ADARB2: variants seen among roughly 807,000 people sequenced by gnomAD.
The protein encoded by ADARB2 is inactive double-stranded RNA-specific editase B2.
A neutral mutation model predicts 62.2 loss-of-function variants in ADARB2; 25 were observed. The observed-to-expected ratio is 0.40, with a 90% confidence interval of 0.29 to 0.56. ADARB2 has a LOEUF of 0.56. Among genes scored for constraint, ADARB2 ranks in the 20% least tolerant of loss-of-function variants. ADARB2 has a pLI of 0.43. For missense variants in ADARB2, 1,071 were observed against 1,077.4 expected (o/e 0.99, Z 0.08); for synonymous variants, 572 against 500.8 (o/e 1.14, Z -1.90).
intron 1 of ADARB2, among the ~76,000 whole-genome samples, chr10:1,506,213 C>T (rs958326926): frequency 3.3e-5 from 5 of 152,084 alleles, no homozygotes; most frequent in South Asian, 2.1e-4. Flanking sequence ...AGAAATTTAA[C>T]GACAACTGAA....
intron 1 of ADARB2, among the ~76,000 whole-genome samples, chr10:1,725,444 A>G (rs949929919): frequency 3.3e-5 from 5 of 152,230 alleles, no homozygotes; most frequent in African/African-American, 1.2e-4. Flanking sequence ...TCAGAGTCAC[A>G]TGAAAAACAC....
intron 1 of ADARB2, among the ~76,000 whole-genome samples, chr10:1,432,938 G>A (rs1564287764): frequency 6.6e-6 from 1 of 152,022 alleles, no homozygotes; most frequent in Admixed American, 6.6e-5. Context: ...CAATGAATAC[G>A]TGGTTCAATG....
At chr10:1,453,359 C>T (rs140760509) in intron 1 of ADARB2, among the ~76,000 whole-genome samples, 3 of 152,296 alleles carry the variant, frequency 2.0e-5, no homozygotes, top group East Asian at 1.9e-4. Flanking sequence ...AATGTCATGA[C>T]GCTTCCCCTA....
At chr10:1,646,324 C>T (rs7078581) in intron 1 of ADARB2, among the ~76,000 whole-genome samples, 105,965 of 151,922 alleles carry the variant, frequency 0.7, 37,169 homozygotes, top group South Asian at 0.81. Flanking sequence ...CCCCCATGCA[C>T]ACCCAGACCA....
chr10:1,506,871 G>T (rs906432389), intron 1 of ADARB2, among the ~76,000 whole-genome samples: 2 of 152,194 alleles, frequency 1.3e-5, no homozygotes, highest in Non-Finnish European at 2.9e-5. Context: ...AAGGAAAAAC[G>T]TGAGGGCCCT....
intron 3 of ADARB2, among the ~76,000 whole-genome samples, chr10:1,353,089 C>T (rs553618631): frequency 3.3e-5 from 5 of 152,250 alleles, no homozygotes; most frequent in Admixed American, 3.3e-4. Context: ...TCTACTACTC[C>T]TCAGGGATTA....
intron 1 of ADARB2, among the ~76,000 whole-genome samples, chr10:1,512,968 T>A (rs752051939): frequency 1.3e-4 from 20 of 152,148 alleles, no homozygotes; most frequent in Non-Finnish European, 2.6e-4. Flanking sequence ...ACATTTACAC[T>A]CAGGGAGAGT....
chr10:1,242,508 GC>G (rs1830935970), intron 4 of ADARB2, among the ~76,000 whole-genome samples: 1 of 152,246 alleles, frequency 6.6e-6, no homozygotes. Flanking sequence ...CTTCATGGTG[GC>G]CTGAGACAGC....
chr10:1,293,889 C>T (rs961072775), intron 3 of ADARB2, among the ~76,000 whole-genome samples: 1 of 152,090 alleles, frequency 6.6e-6, no homozygotes, highest in Non-Finnish European at 1.5e-5. Context: ...ACTTTACTCA[C>T]TGATGCCTCT....
intron 1 of ADARB2, among the ~76,000 whole-genome samples, chr10:1,693,456 T>G (rs1394399557): frequency 1.3e-5 from 2 of 152,202 alleles, no homozygotes; most frequent in African/African-American, 4.8e-5. Context: ...CCTCATATAG[T>G]AAAAGGATAA....
intron 1 of ADARB2, among the ~76,000 whole-genome samples, chr10:1,383,608 G>A (rs1832502071): frequency 6.6e-6 from 1 of 152,162 alleles, no homozygotes. Flanking sequence ...AGGTGTTAGT[G>A]TACTTTGAAA....
chr10:1,425,708 C>T (rs1418865269), intron 1 of ADARB2, among the ~76,000 whole-genome samples: 3 of 152,244 alleles, frequency 2.0e-5, no homozygotes, highest in African/African-American at 7.2e-5. Flanking sequence ...CTCAGTAACC[C>T]TTCAGTCCTT....
intron 1 of ADARB2, among the ~76,000 whole-genome samples, chr10:1,573,832 C>T (rs1248732700): frequency 1.3e-5 from 2 of 152,190 alleles, no homozygotes; most frequent in African/African-American, 2.4e-5. Flanking sequence ...CCTCCTGCCG[C>T]CCAGTGAGCC....
chr10:1,422,488 A>G (rs1434806215), intron 1 of ADARB2, among the ~76,000 whole-genome samples: 1 of 152,144 alleles, frequency 6.6e-6, no homozygotes, highest in Non-Finnish European at 1.5e-5. Context: ...GGGAAGGCAC[A>G]GTGAGAGGCA....
chr10:1,316,381 C>G (rs1029213927), intron 3 of ADARB2, among the ~76,000 whole-genome samples: 6 of 152,226 alleles, frequency 3.9e-5, no homozygotes, highest in Middle Eastern at 3.2e-3. Flanking sequence ...GTGGCCTTGT[C>G]GCAGCCCTTG....
At chr10:1,565,462 T>C (rs1832848544) in intron 1 of ADARB2, among the ~76,000 whole-genome samples, 2 of 152,120 alleles carry the variant, frequency 1.3e-5, no homozygotes, top group Non-Finnish European at 2.9e-5. Context: ...ATGGATATAC[T>C]TGGAATTTCT....
Position 1,467,455 on chromosome 10 carries a change from G to A in ADARB2, c.101-88295C>T, listed in dbSNP as rs117904057. 2.8e-3 allele frequency among the ~76,000 whole-genome samples: 428 copies of A among 152,308 alleles called. 1 individual carries two copies. Among genetic ancestry groups the A allele is most frequent in the Non-Finnish European group, 5.3e-3 (360 of 68,028 alleles). On this transcript the variant is annotated intron_variant, in intron 1 of 9. Coordinates refer to ENST00000381312, the MANE Select transcript of ADARB2 (RefSeq NM_018702.4). ...TTCAAGATTAGGCTGAGGTTGGAAA[G>A]CAAACCCGAAAGCATCTCCAACCGC...
chr10:1,544,956 T>TATATACACACACACACACACACACACAC (rs10526252), intron 1 of ADARB2, among the ~76,000 whole-genome samples: 1 of 133,848 alleles, frequency 7.5e-6, no homozygotes, highest in Non-Finnish European at 1.6e-5. Flanking sequence ...TAGCAAAGTA[T>TATATACACACACACACACACACACACAC]ACACACACAC....
chr10:1,234,490 G>C (rs1436284368), intron 5 of ADARB2, among the ~76,000 whole-genome samples: 1 of 151,942 alleles, frequency 6.6e-6, no homozygotes, highest in Non-Finnish European at 1.5e-5. Flanking sequence ...GCTCATGCTG[G>C]AGTGCAGTAG....
Sources: gnomAD v4.1 joint callset for allele counts (sites outside exome capture counted in the v4.1 genomes callset) on GRCh38, gnomAD v4.1.1 for gene constraint, MANE v1.5 for transcripts, NCBI Gene and HGNC (gene_info 2026-07-23, HGNC 2026-07-21) for gene names.